The following COX7A2L variants were observed in gnomAD, a reference collection of about 807,000 sequenced individuals.
The protein encoded by COX7A2L is cytochrome c oxidase subunit 7A2 like.
Under a neutral mutation model 14.2 loss-of-function variants are expected in COX7A2L, and 18 were observed. The observed-to-expected ratio is 1.27, with a 90% CI of 0.88 to 1.88. The LOEUF is 1.88. Ranked by LOEUF, COX7A2L falls within the 40% of genes most tolerant of loss-of-function variation. COX7A2L has a pLI of 0.00. For missense variants in COX7A2L, 179 were observed against 138.8 expected, an observed-to-expected ratio of 1.29 and a Z score of -1.46; for synonymous variants, 65 against 57.4, an observed-to-expected ratio of 1.13 and a Z score of -0.60.
At chr2:42,343,860 C>T (rs986474407) in intron 2 of COX7A2L, among the ~76,000 whole-genome samples, 38 of 152,268 alleles carry the variant, frequency 2.5e-4, no homozygotes, top group African/African-American at 8.9e-4. Flanking sequence ...GATAAATAAA[C>T]GAAAGCTGGC....
Position 42,338,139 on chromosome 2 carries a change from C to A in COX7A2L, c.193-4270G>T, listed in dbSNP as rs550760117. Among the ~76,000 whole-genome samples the A allele has an allele frequency of 3.3e-5, 5 of 152,260 alleles. No homozygotes were observed. In the South Asian group the frequency reaches 1.0e-3, roughly 32 times the overall value. On this transcript the variant is annotated intron_variant, in intron 2 of 2. Transcript: ENST00000468711. This position sits in a 1 kb window ranked among gnomAD's most constrained non-coding sequence, Gnocchi z 4.4. ...GATGACGGTTGGTTGGTCCATAACC[C>A]TACTCCCCATGCTCCTGGCCCACAT...
At position 42,338,144 on chromosome 2, in the gene COX7A2L, C is replaced by G. The variant is rs764048419; in HGVS notation, c.193-4275G>C. ...CGGTTGGTTGGTCCATAACCCTACT[C>G]CCCATGCTCCTGGCCCACATGCAAG... On this transcript the variant is annotated intron_variant, in intron 2 of 2. Transcript: ENST00000468711. The surrounding 1 kb of genome is among the most constrained non-coding windows in gnomAD (Gnocchi z 4.4). 6.6e-6 allele frequency among the ~76,000 whole-genome samples: 1 copy of G among 152,178 alleles called. No homozygotes were observed. Among genetic ancestry groups the G allele is most frequent in the African/African-American group, 2.4e-5 (1 of 41,458 alleles).
intron 1 of COX7A2L, 102 bp from the exon 2 acceptor site, chr2:42,353,445 C>T (rs1670714221): frequency 6.8e-7 from 1 of 1,479,568 alleles, no homozygotes; most frequent in East Asian, 2.3e-5. Flanking sequence ...AAGAAAGTCT[C>T]TCCAACTTTC....
chr2:42,364,484 C>T (rs1253551662), upstream of COX7A2L, among the ~76,000 whole-genome samples: 1 of 152,098 alleles, frequency 6.6e-6, no homozygotes, highest in Non-Finnish European at 1.5e-5. Context: ...ACATTTAAAA[C>T]TGCTTGATAA....
chr2:42,360,881 G>C (rs1299790274), intron 1 of COX7A2L: 5 of 612,810 alleles, frequency 8.2e-6, no homozygotes, highest in Non-Finnish European at 1.4e-5. Flanking sequence ...TTCCACGCCA[G>C]GCCAGCCCCC....
At chr2:42,352,602 T>A (rs1670683176) in intron 2 of COX7A2L, among the ~76,000 whole-genome samples, 2 of 152,196 alleles carry the variant, frequency 1.3e-5, no homozygotes, top group Non-Finnish European at 2.9e-5. Flanking sequence ...CTGGACTACT[T>A]TTGAGGAGGG....
rs149118385 is a variant in COX7A2L, at chr2:42,335,675, G to C, written c.193-1806C>G. The stretch of plus-strand genomic sequence containing the variant: ...AAGCCGACTGGCTGAGTTACGAGTT[G>C]AAGCCAGGTACTCCCGCCTCCGGAG... On this transcript the variant is annotated intron_variant, in intron 2 of 2. Transcript: ENST00000468711. Among the ~76,000 whole-genome samples, 120 of 152,342 alleles carry C rather than the reference G, an allele frequency of 7.9e-4. 1 individual carries two copies. Among genetic ancestry groups the C allele is most frequent in the African/African-American group, 2.7e-3 (111 of 41,582 alleles).
rs143248644 is a variant in COX7A2L at position 42,349,484 on chromosome 2, G to A, written c.*1735C>T. 406 of 152,216 alleles carry A rather than the reference G, an allele frequency of 2.7e-3. 3 individuals are homozygous for A. Among genetic ancestry groups the A allele is most frequent in the African/African-American group, 8.3e-3 (344 of 41,514 alleles). The allele number at this position is 152,216 out of a possible 1,614,324, so 9.4% of individuals were successfully genotyped here. A position where few individuals can be genotyped will look rare whatever the true frequency, so the allele number is the denominator to read the frequency against. On this transcript the variant is annotated 3_prime_UTR_variant, in exon 3 of 3. Transcript: ENST00000234301. Reference sequence around the variant, plus strand: ...GAGGGAAGGCAAGTGATTGCTAATGGGTATGGGGTTTCTTTTTAGGGTGAT... The same window carrying A: ...GAGGGAAGGCAAGTGATTGCTAATGAGTATGGGGTTTCTTTTTAGGGTGAT...
intron 1 of COX7A2L, among the ~76,000 whole-genome samples, chr2:42,354,023 C>G (rs921552925): frequency 6.6e-5 from 10 of 152,102 alleles, no homozygotes; most frequent in Non-Finnish European, 1.5e-4. Flanking sequence ...CCATTCACAG[C>G]AAAGTCAGAA....
intron 1 of COX7A2L, among the ~76,000 whole-genome samples, chr2:42,355,400 T>C (rs1280356385): frequency 8.5e-5 from 13 of 152,212 alleles, no homozygotes; most frequent in Non-Finnish European, 4.4e-5. Flanking sequence ...TCTCCAAAAA[T>C]GGCTTGAAAG....
chr2:42,361,086 G>GTAC lies in COX7A2L; in HGVS notation c.72+1_72+3dup. 1 of 1,613,288 alleles carries GTAC rather than the reference G, an allele frequency of 6.2e-7. No homozygotes were observed. Among genetic ancestry groups the GTAC allele is most frequent in the East Asian group, 2.2e-5 (1 of 44,848 alleles). On this transcript the variant is annotated splice_donor_region_variant and intron_variant, in intron 1 of 2. Transcript: ENST00000234301. ...TGTCCGAGCTGGCCAGGCGCCACTC[G>GTAC]TACCTGCGGGCTATAGGCCTCCGAA...
chr2:42,357,800 G>C (rs1374987787), intron 1 of COX7A2L, among the ~76,000 whole-genome samples: 1 of 152,090 alleles, frequency 6.6e-6, no homozygotes, highest in East Asian at 1.9e-4. Context: ...TCATCTGAAA[G>C]GACAAACTAC....
At chr2:42,345,642 T>C (rs1670481304), downstream of COX7A2L, among the ~76,000 whole-genome samples, 2 of 152,216 alleles carry the variant, frequency 1.3e-5, no homozygotes, top group South Asian at 4.1e-4. Context: ...AAGACCATCA[T>C]ACAGGACCCC....
chr2:42,353,008 G>C, intron 2 of COX7A2L: 1 of 625,886 alleles, frequency 1.6e-6, no homozygotes, highest in Non-Finnish European at 2.7e-6. Flanking sequence ...TACTAATGAG[G>C]AAATTAACCA....
chr2:42,366,626 T>C (rs944732173), intron 1 of COX7A2L, among the ~76,000 whole-genome samples: 13 of 152,218 alleles, frequency 8.5e-5, no homozygotes, highest in African/African-American at 3.1e-4. Context: ...TGTAAATACC[T>C]GGAAGTCTAT....
chr2:42,346,739 G>A (rs1000549651), downstream of COX7A2L, among the ~76,000 whole-genome samples: 15 of 151,474 alleles, frequency 9.9e-5, no homozygotes, highest in Non-Finnish European at 1.5e-4. Context: ...CAGTCTGGGC[G>A]ACGGAGTGAG....
At chr2:42,362,911 C>G (rs747611310), upstream of COX7A2L, among the ~76,000 whole-genome samples, 6 of 144,834 alleles carry the variant, frequency 4.1e-5, no homozygotes, top group Admixed American at 7.1e-5. Flanking sequence ...GGGTCTCACT[C>G]TGTCCCAGGC....
At chr2:42,353,405 G>C (rs1285163328) in intron 1 of COX7A2L, 62 bp from the exon 2 acceptor site, 1 of 1,588,936 alleles carries the variant, frequency 6.3e-7, no homozygotes, top group Non-Finnish European at 8.6e-7. Flanking sequence ...GTCTGGAATA[G>C]TGGAGGCAGC....
downstream of COX7A2L, among the ~76,000 whole-genome samples, chr2:42,349,179 T>G (rs1670562094): frequency 6.6e-6 from 1 of 152,142 alleles, no homozygotes; most frequent in African/African-American, 2.4e-5. Flanking sequence ...CATAGCAGCA[T>G]TATTCGTAAC....
Sources: gnomAD v4.1 joint callset for allele counts (sites outside exome capture counted in the v4.1 genomes callset) on GRCh38, gnomAD v4.1.1 for gene constraint, Gnocchi (gnomAD v3.1) non-coding constraint, MANE v1.5 for transcripts, NCBI Gene and HGNC (gene_info 2026-07-23, HGNC 2026-07-21) for gene names.